The following SLC41A3 variants were observed in gnomAD, a reference collection of about 807,000 sequenced individuals.
The protein encoded by SLC41A3 is solute carrier family 41 member 3, also known as SLC41A1-like 2.
A neutral mutation model predicts 45.4 loss-of-function variants in SLC41A3; 44 were observed. The ratio of observed to expected loss-of-function variants is 0.97; its 90% CI spans 0.76 to 1.25. The LOEUF (loss-of-function observed/expected upper bound fraction) is 1.25, where lower values mean the gene tolerates loss of function less well. Among genes scored for constraint, SLC41A3 ranks in the 50% most tolerant of loss-of-function variants. SLC41A3 has a pLI of 0.00. For missense variants in SLC41A3, 550 were observed against 600.6 expected (o/e 0.92, Z 0.88); for synonymous variants, 256 against 252.4 (o/e 1.01, Z -0.13).
intron 3 of SLC41A3, among the ~76,000 whole-genome samples, chr3:126,047,505 G>A (rs7635085): frequency 0.054 from 8,284 of 152,194 alleles, 706 homozygotes; most frequent in African/African-American, 0.18. Flanking sequence ...TCATGACTTC[G>A]AAACTTATTA....
In SLC41A3 at chr3:126,052,765, G is replaced by C. The variant is rs534629201; in HGVS notation, c.274-1715C>G. On this transcript the variant is annotated intron_variant, in intron 2 of 10. Transcript: ENST00000360370. Reference sequence around the variant, plus strand: ...CCAACCTCACTATCCACCCCATCTCGGCCCCTCTTCTTCCTCCTGACCATG... The same window carrying C: ...CCAACCTCACTATCCACCCCATCTCCGCCCCTCTTCTTCCTCCTGACCATG... Among the ~76,000 whole-genome samples the C allele has an allele frequency of 2.6e-5, 4 of 152,008 alleles. No individual in the cohort carries two copies. In the South Asian group the frequency reaches 8.3e-4, roughly 32 times the overall value.
chr3:126,020,382 C>G (rs1216377553), intron 6 of SLC41A3, among the ~76,000 whole-genome samples: 2 of 152,196 alleles, frequency 1.3e-5, no homozygotes, highest in Admixed American at 1.3e-4. Flanking sequence ...TCCCAGCTCC[C>G]TTTCAGCCAT....
chr3:126,040,954 G>A (rs936306480), intron 3 of SLC41A3, among the ~76,000 whole-genome samples: 2 of 152,124 alleles, frequency 1.3e-5, no homozygotes, highest in Non-Finnish European at 1.5e-5. Context: ...GTATGAAACT[G>A]AATAAGTATC....
intron 3 of SLC41A3, among the ~76,000 whole-genome samples, chr3:126,043,788 C>A (rs1576293339): frequency 8.4e-6 from 1 of 118,384 alleles, no homozygotes; most frequent in African/African-American, 3.1e-5. Flanking sequence ...AGAAGGCAAT[C>A]AAAACATATC....
intron 9 of SLC41A3, among the ~76,000 whole-genome samples, 155 bp downstream of exon 9, chr3:126,012,460 C>T (rs1009157255): frequency 6.6e-6 from 1 of 152,086 alleles, no homozygotes; most frequent in African/African-American, 2.4e-5. Flanking sequence ...AAGGCAGGGC[C>T]GGGGAGTCTC....
At chr3:126,036,607 C>T (rs7617162) in intron 3 of SLC41A3, among the ~76,000 whole-genome samples, 50,630 of 151,860 alleles carry the variant, frequency 0.33, 8,653 homozygotes, top group Middle Eastern at 0.44. Flanking sequence ...TGGGGTGCTT[C>T]GCTGCCTCTT....
At chr3:126,039,426 G>A (rs1942432626) in intron 3 of SLC41A3, among the ~76,000 whole-genome samples, 1 of 152,162 alleles carries the variant, frequency 6.6e-6, no homozygotes, top group Non-Finnish European at 1.5e-5. Context: ...TTTCCCTGAG[G>A]CTTCCTCATG....
rs940045538 is a variant in SLC41A3, at chr3:126,070,101, T to C, written c.-27-1855A>G. On this transcript the variant is annotated intron_variant, in intron 1 of 10. Coordinates refer to ENST00000360370, the MANE Select transcript of SLC41A3 (RefSeq NM_017836.4). ...CATAAAACATTAATTTCCACATCCA[T>C]AGAGCTCCACGAATTCCAAGTAGAG... 6 of 152,198 alleles carry C rather than the reference T, an allele frequency of 3.9e-5. No individual in the cohort carries two copies. The Middle Eastern group carries it at 0.01, about 259-fold the overall frequency. 9.4% of individuals were successfully genotyped at this position (152,198 alleles called of 1,614,324 possible).
At chr3:126,073,873 A>G (rs1204237952) in intron 1 of SLC41A3, among the ~76,000 whole-genome samples, 1 of 152,210 alleles carries the variant, frequency 6.6e-6, no homozygotes, top group African/African-American at 2.4e-5. Flanking sequence ...GTATGAGACC[A>G]GTGTAAAGAC....
At chr3:126,017,439 A>C (rs1940416355) in intron 6 of SLC41A3, among the ~76,000 whole-genome samples, 3 of 152,208 alleles carry the variant, frequency 2.0e-5, no homozygotes, top group Non-Finnish European at 2.9e-5. Flanking sequence ...CCAGCCGGGT[A>C]GCTACTCGTG....
At chr3:126,031,188 C>T (rs1410544866) in intron 4 of SLC41A3, among the ~76,000 whole-genome samples, 1 of 152,108 alleles carries the variant, frequency 6.6e-6, no homozygotes, top group South Asian at 2.1e-4. Context: ...ATTTTCAATG[C>T]TAATGAGGTT....
intron 2 of SLC41A3, among the ~76,000 whole-genome samples, chr3:126,054,723 G>C (rs1333512416): frequency 1.3e-5 from 2 of 151,876 alleles, no homozygotes; most frequent in Non-Finnish European, 2.9e-5. Flanking sequence ...TAGGAAGAAT[G>C]ACTGCTCCCT....
intron 2 of SLC41A3, among the ~76,000 whole-genome samples, chr3:126,064,240 T>C (rs1000786332): frequency 6.6e-6 from 1 of 152,054 alleles, no homozygotes; most frequent in Non-Finnish European, 1.5e-5. Context: ...TCTGCTCCTG[T>C]GGATGAGGTT....
chr3:126,077,902 C>A (rs978098936), intron 1 of SLC41A3, among the ~76,000 whole-genome samples: 1 of 152,208 alleles, frequency 6.6e-6, no homozygotes, highest in African/African-American at 2.4e-5. Flanking sequence ...GGACAGGGCA[C>A]AGGGAGGCAT....
At chr3:126,054,911 C>A (rs142123868) in intron 2 of SLC41A3, among the ~76,000 whole-genome samples, 1 of 152,164 alleles carries the variant, frequency 6.6e-6, no homozygotes, top group Non-Finnish European at 1.5e-5. Flanking sequence ...GGTTGCAAGC[C>A]CACAGAAGCA....
upstream of SLC41A3, among the ~76,000 whole-genome samples, chr3:126,086,407 T>TG (rs200816951): frequency 0.24 from 25,696 of 106,180 alleles, 4,203 homozygotes; most frequent in Non-Finnish European, 0.27. Flanking sequence ...TTTGTTTTCT[T>TG]GTTTTTTTTT....
chr3:126,015,596 T>C, intron 7 of SLC41A3, 23 bp from the exon 8 acceptor site: 1 of 1,612,530 alleles, frequency 6.2e-7, no homozygotes, highest in South Asian at 1.1e-5. Context: ...CAGACAGCAG[T>C]CAAGTTATCA....
chr3:126,009,161 A>ACTTGATGGCTTTCTTT, intron 9 of SLC41A3, among the ~76,000 whole-genome samples: 1 of 152,372 alleles, frequency 6.6e-6, no homozygotes, highest in African/African-American at 2.4e-5. Context: ...TAAAGAAAAT[A>ACTTGATGGCTTTCTTT]AAGGTAAAAA....
chr3:126,080,749 G>C (rs1945107890), intron 1 of SLC41A3, among the ~76,000 whole-genome samples: 1 of 152,168 alleles, frequency 6.6e-6, no homozygotes, highest in African/African-American at 2.4e-5. Flanking sequence ...CCAGGAGCTT[G>C]AGACCAGCCT....
Sources: gnomAD v4.1 joint callset for allele counts (sites outside exome capture counted in the v4.1 genomes callset) on GRCh38, gnomAD v4.1.1 for gene constraint, MANE v1.5 for transcripts, NCBI Gene and HGNC (gene_info 2026-07-23, HGNC 2026-07-21) for gene names.